The following MATN4 variants were observed in gnomAD, a reference collection of about 807,000 sequenced individuals.
The protein encoded by MATN4 is matrilin-4.
In MATN4, 40 loss-of-function variants were observed where a neutral mutation model predicts 54.6. The observed-to-expected ratio is 0.73, with a 90% CI of 0.57 to 0.95. MATN4 has a LOEUF of 0.95. MATN4 is among the 40% of genes least tolerant of loss of function. MATN4 has a pLI of 0.00. For missense variants in MATN4, 810 were observed against 819.1 expected (o/e 0.99, Z 0.13); for synonymous variants, 351 against 345.3 (o/e 1.02, Z -0.18).
rs762374553 is a variant in MATN4 at position 45,304,311 on chromosome 20, G to T, written c.560C>A (p.Pro187His). Residue 187 changes from proline (P) to histidine (H), a missense_variant, in exon 3 of 10, where the codon CCC becomes CAC. Physicochemically the swap from Pro to His is moderately conservative, Grantham distance 77. Transcript: ENST00000372756. ...DVGSLRAMASPPLDEHVFLVE... is the reference protein window; with the variant it reads ...DVGSLRAMASHPLDEHVFLVE... ...GAGGAAGACGTGCTCGTCTAGCGGG[G>T]GCGATGCCATGGCGCGCAGGGAGCC... is the stretch of plus-strand genomic sequence containing the variant. The T allele has an allele frequency of 1.3e-6, 2 of 1,532,780 alleles. No homozygotes were observed. The highest frequency in any genetic ancestry group is 2.9e-5 in the African/African-American group (2 of 69,922). 94.9% of individuals were successfully genotyped at this position (1,532,780 alleles called of 1,614,324 possible). A position where few individuals can be genotyped will look rare whatever the true frequency, so the allele number is the denominator to read the frequency against.
At position 45,298,211 on chromosome 20, in the gene MATN4, T is replaced by C; in HGVS notation, c.1385A>G (p.Gln462Arg). The C allele has an allele frequency of 1.2e-6, 2 of 1,604,022 alleles. No homozygotes were observed. Among genetic ancestry groups the C allele is most frequent in the Non-Finnish European group, 8.5e-7 (1 of 1,172,852 alleles). ...CGCTGCCCACACCGAGATGTCATCC[T>C]GGGAGCGGCCATCCGTGAAGACCAG... ...VGLVFTDGRS[Q>R]DDISVWAARA... Residue 462 changes from glutamine (Q) to arginine (R), a missense_variant, in exon 7 of 10, where the codon CAG (glutamine) becomes CGG (arginine). Physicochemically the swap from Gln to Arg is conservative, Grantham distance 43. Coordinates refer to ENST00000372756, the MANE Select transcript of MATN4 (RefSeq NM_001393530.1). The surrounding 1 kb of genome is among the most constrained non-coding windows in gnomAD (Gnocchi z 4.6).
chr20:45,305,398 C>T, intron 2 of MATN4, 112 bp downstream of exon 2: 1 of 758,266 alleles, frequency 1.3e-6, no homozygotes, highest in Non-Finnish European at 2.2e-6. Context: ...AACCCAGTCC[C>T]ATATGTTCCA....
Position 45,304,226 on chromosome 20 carries a change from A to G in MATN4, c.643+2T>C. 1.3e-6 allele frequency: 2 copies of G among 1,500,852 alleles called. No individual in the cohort carries two copies. Among genetic ancestry groups the G allele is most frequent in the Non-Finnish European group, 8.9e-7 (1 of 1,128,634 alleles). The allele number at this position is 1,500,852 out of a possible 1,614,324, so 93.0% of individuals were successfully genotyped here. ...CTTCACTCCAGCGCCCTCCTAACTCACCACACAGCCGGCTCTGGAACTGCA... is the reference window on the plus strand; with the variant it reads ...CTTCACTCCAGCGCCCTCCTAACTCGCCACACAGCCGGCTCTGGAACTGCA... On this transcript the variant is annotated splice_donor_variant, in intron 3 of 9. Coordinates refer to ENST00000372756, the MANE Select transcript of MATN4 (RefSeq NM_001393530.1). LOFTEE classifies it high-confidence loss of function.
Position 45,303,873 on chromosome 20 carries a change from G to A in MATN4, c.643+355C>T, listed in dbSNP as rs2057405913. Among the ~76,000 whole-genome samples, 2 of 152,238 alleles carry A rather than the reference G, an allele frequency of 1.3e-5. 1 individual carries two copies. The highest frequency in any genetic ancestry group is 4.1e-4 in the South Asian group (2 of 4,834). On this transcript the variant is annotated intron_variant, in intron 3 of 9. Transcript: ENST00000372756. Reference sequence around the variant, plus strand: ...CAGCATTTGTGGGAGGAGCTAAGATGATAATGGGAGAAGTCATCCCCATGT... The same window carrying A: ...CAGCATTTGTGGGAGGAGCTAAGATAATAATGGGAGAAGTCATCCCCATGT...
At chr20:45,306,359 A>G (rs920590317) in intron 1 of MATN4, among the ~76,000 whole-genome samples, 1 of 152,148 alleles carries the variant, frequency 6.6e-6, no homozygotes, top group East Asian at 1.9e-4. Flanking sequence ...GGCAGGATAC[A>G]ATCCCACGCC....
chr20:45,306,914 G>A, intron 1 of MATN4: 1 of 1,256,276 alleles, frequency 8.0e-7, no homozygotes, highest in East Asian at 3.1e-5. Flanking sequence ...GGGGCCCCGT[G>A]GAGCCACCAT....
Position 45,298,097 on chromosome 20 carries a change from C to T in MATN4, c.1427-27G>A. On this transcript the variant is annotated intron_variant, in intron 7 of 9. Transcript: ENST00000372756. This position sits in a 1 kb window ranked among gnomAD's most constrained non-coding sequence, Gnocchi z 4.6. ...TGCAAGGCCGGGGTCTCAGAGGGTG[C>T]CCCAGGCCTCGGGAAAGCTGCCTCC... 1 of 1,605,344 alleles carries T rather than the reference C, an allele frequency of 6.2e-7. No homozygotes were observed. The highest frequency in any genetic ancestry group is 8.5e-7 in the Non-Finnish European group (1 of 1,173,850).
rs1318949941 is a variant in MATN4, at chr20:45,300,933, C to T, written c.966G>A (p.Leu322=). 4.3e-6 allele frequency: 7 copies of T among 1,613,858 alleles called. No homozygotes were observed. Among genetic ancestry groups the T allele is most frequent in the Non-Finnish European group, 5.1e-6 (6 of 1,180,040 alleles). Residue 322 remains leucine, a synonymous_variant, in exon 6 of 10, where the codon CTG becomes CTA. Transcript: ENST00000372756. Reference sequence around the variant, plus strand: ...CCTGAAGTTGCCGCCCCTCGGGGCACAGGCAGCGGTAGGAGAGGCCCTCGC... The same window carrying T: ...CCTGAAGTTGCCGCCCCTCGGGGCATAGGCAGCGGTAGGAGAGGCCCTCGC... The part of the protein sequence containing the change: ...CVSEGLSYRC[L]CPEGRQLQAD...
Position 45,298,656 on chromosome 20 carries a change from T to C in MATN4, c.1013-73A>G, listed in dbSNP as rs1568873372. ...CAGCAGCTGTCTATCCATCTAGTCG[T>C]TCATTCGCAAACATTTATTATATAA... is the stretch of plus-strand genomic sequence containing the variant. On this transcript the variant is annotated intron_variant, in intron 6 of 9. Transcript: ENST00000372756. This position sits in a 1 kb window ranked among gnomAD's most constrained non-coding sequence, Gnocchi z 4.6. 1.6e-6 allele frequency: 2 copies of C among 1,234,950 alleles called. No individual in the cohort carries two copies. Among genetic ancestry groups the C allele is most frequent in the African/African-American group, 1.5e-5 (1 of 66,022 alleles). The allele number at this position is 1,234,950 out of a possible 1,614,324, so 76.5% of individuals were successfully genotyped here. A position where few individuals can be genotyped will look rare whatever the true frequency, so the allele number is the denominator to read the frequency against.
At position 45,304,791 on chromosome 20, in the gene MATN4, C is replaced by G. The variant is rs763581298; in HGVS notation, c.80G>C (p.Arg27Thr). ...CAGATCCAGGGGCCCAGTGTGACAC[C>G]TGGGACCTGCGGGGAGATCAGGGAG... ...WETQLQLTGP[R>T]CHTGPLDLVF... The change falls in exon 3 of 10, where the codon AGG (arginine) becomes ACG (threonine). Residue 27 changes from arginine to threonine, a missense_variant. Transcript: ENST00000372756. 2 of 1,575,936 alleles carry G rather than the reference C, an allele frequency of 1.3e-6. No homozygotes were observed. The highest frequency in any genetic ancestry group is 4.5e-5 in the East Asian group (2 of 44,088).
chr20:45,299,360 G>C (rs1226460803), intron 6 of MATN4, among the ~76,000 whole-genome samples: 1 of 152,196 alleles, frequency 6.6e-6, no homozygotes, highest in Non-Finnish European at 1.5e-5. Context: ...ATCATGCAGG[G>C]ATCCCAAGGT....
Position 45,304,364 on chromosome 20 carries a change from G to A in MATN4, c.507C>T (p.Tyr169=). 2 of 1,503,796 alleles carry A rather than the reference G, an allele frequency of 1.3e-6. No individual in the cohort carries two copies. The highest frequency in any genetic ancestry group is 8.9e-7 in the Non-Finnish European group (1 of 1,126,660). The allele number at this position is 1,503,796 out of a possible 1,614,324, so 93.2% of individuals were successfully genotyped here. The change falls in exon 3 of 10, where the codon TAC becomes TAT. Residue 169 remains tyrosine, a synonymous_variant. Coordinates refer to ENST00000372756, the MANE Select transcript of MATN4 (RefSeq NM_001393530.1). ...CGTCCGCGCGCTGCACCCCCACCGC[G>A]TAAATTTCAATGCCGCGGGCGCGCG... ...AQARARGIEI[Y]AVGVQRADVG... is the part of the protein sequence containing the mutation.
In MATN4 at chr20:45,298,260, C is replaced by T; in HGVS notation, c.1336G>A (p.Ala446Thr). 6.2e-7 allele frequency: 1 copy of T among 1,613,178 alleles called. No homozygotes were observed. Among genetic ancestry groups the T allele is most frequent in the Non-Finnish European group, 8.5e-7 (1 of 1,179,720 alleles). ...AGGCCAACACGAGGCACGTTAAGGG[C>T]ACGGGGCCGTGCACCCTGCGCCTCG... ...FSEAQGARPR[A>T]LNVPRVGLVF... Residue 446 changes from alanine (A) to threonine (T), a missense_variant, in exon 7 of 10, where the codon GCC becomes ACC. Transcript: ENST00000372756. This position sits in a 1 kb window ranked among gnomAD's most constrained non-coding sequence, Gnocchi z 4.6.
chr20:45,307,054 C>A, intron 1 of MATN4: 1 of 602,010 alleles, frequency 1.7e-6, no homozygotes, highest in Non-Finnish European at 2.3e-6. Context: ...CCCAAGGAGG[C>A]AGCCCGCCGA....
chr20:45,296,207 T>C (rs2145640719), intron 8 of MATN4, among the ~76,000 whole-genome samples: 1 of 82,236 alleles, frequency 1.2e-5, no homozygotes, highest in Admixed American at 2.2e-4. Flanking sequence ...AGAGCGAGAC[T>C]CCATCTCAAA....
chr20:45,308,410 G>A (rs537586338), upstream of MATN4: 12 of 597,166 alleles, frequency 2.0e-5, no homozygotes, highest in African/African-American at 1.5e-4. Context: ...TTCCTCCTGA[G>A]GGGGGGCAAA....
At position 45,293,968 on chromosome 20, in the gene MATN4, C is replaced by T; in HGVS notation, c.1627G>A (p.Glu543Lys). The change falls in exon 9 of 10, where the codon GAA (glutamate) becomes AAA (lysine). Residue 543 changes from glutamate to lysine, a missense_variant. Transcript: ENST00000372756. ...GTELRSPCEC[E>K]SLVEFQGRTL... is the part of the protein sequence containing the mutation. ...CGGCCCTGGAACTCCACGAGGCTTT[C>T]GCATTCGCATGGGCTCCGAAGCTCT... The T allele has an allele frequency of 6.2e-7, 1 of 1,603,908 alleles. No individual in the cohort carries two copies. Among genetic ancestry groups the T allele is most frequent in the Non-Finnish European group, 8.5e-7 (1 of 1,179,594 alleles).
intron 8 of MATN4, among the ~76,000 whole-genome samples, chr20:45,296,478 G>A (rs1985841692): frequency 6.6e-6 from 1 of 152,132 alleles, no homozygotes; most frequent in Non-Finnish European, 1.5e-5. Flanking sequence ...TCTAAACAAA[G>A]GGTTGGAGAC....
intron 3 of MATN4, among the ~76,000 whole-genome samples, chr20:45,302,804 C>T (rs866577782): frequency 6.7e-6 from 1 of 149,068 alleles, no homozygotes; most frequent in Non-Finnish European, 1.5e-5. Context: ...CAGAAATGGC[C>T]GGGCGCAGTG....
Sources: gnomAD v4.1 joint callset for allele counts (sites outside exome capture counted in the v4.1 genomes callset) on GRCh38, gnomAD v4.1.1 for gene constraint, Gnocchi (gnomAD v3.1) non-coding constraint, MANE v1.5 for transcripts, NCBI Gene and HGNC (gene_info 2026-07-23, HGNC 2026-07-21) for gene names.